Variants in LIPA observed in about 807,000 individuals in gnomAD.
LIPA encodes the protein lipase A, lysosomal acid type, also known as lysosomal acid lipase/cholesteryl ester hydrolase.
Under a neutral mutation model 40.6 loss-of-function variants are expected in LIPA, and 26 were observed. The observed-to-expected ratio is 0.64, with a 90% CI of 0.47 to 0.89. LIPA has a LOEUF of 0.89. LIPA is among the 40% of genes least tolerant of loss of function. The pLI, the probability that LIPA is intolerant of heterozygous loss-of-function variation, is 0.00. For synonymous variants in LIPA, 188 were observed against 168.4 expected, an observed-to-expected ratio of 1.12 and a Z score of -0.90; for missense variants, 455 against 479.6, an observed-to-expected ratio of 0.95 and a Z score of 0.48.
intron 1 of LIPA, among the ~76,000 whole-genome samples, chr10:89,304,078 G>T (rs1019502724): frequency 6.6e-6 from 1 of 152,138 alleles, no homozygotes; most frequent in Non-Finnish European, 1.5e-5. Flanking sequence ...ATCAGTTCCT[G>T]CTCACCTCTG....
intron 8 of LIPA, among the ~76,000 whole-genome samples, chr10:89,219,302 C>A (rs1842667157): frequency 6.6e-6 from 1 of 152,198 alleles, no homozygotes; most frequent in East Asian, 1.9e-4. Flanking sequence ...TTTAATAGCA[C>A]CTTAGGTAGG....
chr10:89,285,763 T>C (rs1843338296), intron 1 of LIPA, among the ~76,000 whole-genome samples: 1 of 151,748 alleles, frequency 6.6e-6, no homozygotes, highest in Non-Finnish European at 1.5e-5. Flanking sequence ...TCCTTCTCTC[T>C]GTGTCTCTAC....
chr10:89,315,544 T>C lies in LIPA; in HGVS notation c.-2+27067A>G, dbSNP rs1217054285. 2.6e-5 allele frequency among the ~76,000 whole-genome samples: 4 copies of C among 151,500 alleles called. No homozygotes were observed. In the East Asian group the frequency reaches 7.7e-4, roughly 29 times the overall value. The stretch of plus-strand genomic sequence containing the variant: ...GACAACTATACTCCCTAGGTTTTTA[T>C]GAATATTTACATCATGGTTGGGAAG... On this transcript the variant is annotated intron_variant, in intron 1 of 5. Transcript: ENST00000282673.
intron 1 of LIPA, among the ~76,000 whole-genome samples, chr10:89,301,646 C>T (rs1260272689): frequency 6.6e-6 from 1 of 152,216 alleles, no homozygotes; most frequent in African/African-American, 2.4e-5. Flanking sequence ...TAAAATTCAC[C>T]TTAGCAGGAA....
intron 2 of LIPA, among the ~76,000 whole-genome samples, chr10:89,370,711 T>A (rs762598955): frequency 1.3e-5 from 2 of 152,126 alleles, no homozygotes; most frequent in Admixed American, 1.3e-4. Flanking sequence ...CATCTCCAGA[T>A]GTGATCATCC....
rs1234553217 is a variant in LIPA, at chr10:89,274,012, T to C, written c.-1-26363A>G. On this transcript the variant is annotated intron_variant, in intron 1 of 5. Transcript: ENST00000282673. ...AAAGCCGAAGAAAATATTTACTATT[T>C]AGCTCTTAACAGAAAAAGTTTGCCA... Among the ~76,000 whole-genome samples, 4 of 152,246 alleles carry C rather than the reference T, an allele frequency of 2.6e-5. No individual in the cohort carries two copies. In the East Asian group the frequency reaches 7.7e-4, roughly 29 times the overall value.
chr10:89,226,804 A>G (rs993668836), intron 5 of LIPA, 91 bp downstream of exon 5: 2 of 774,988 alleles, frequency 2.6e-6, no homozygotes, highest in African/African-American at 3.5e-5. Context: ...TGGAATTTGA[A>G]CTAACATCTT....
At chr10:89,290,704 C>T (rs1843369033) in intron 1 of LIPA, among the ~76,000 whole-genome samples, 1 of 152,232 alleles carries the variant, frequency 6.6e-6, no homozygotes, top group Non-Finnish European at 1.5e-5. Flanking sequence ...GTGACCCCCA[C>T]CTCTGCCAGC....
chr10:89,282,079 C>T (rs2133498557), intron 1 of LIPA, among the ~76,000 whole-genome samples: 1 of 152,276 alleles, frequency 6.6e-6, no homozygotes, highest in Admixed American at 6.5e-5. Flanking sequence ...GAAACCAAGG[C>T]ACAGAACTAC....
At chr10:89,378,839 A>G (rs949256457) in intron 2 of LIPA, among the ~76,000 whole-genome samples, 2 of 152,206 alleles carry the variant, frequency 1.3e-5, no homozygotes, top group African/African-American at 2.4e-5. Context: ...TCTTAAGGAA[A>G]TAAACGAGAA....
chr10:89,355,257 G>T (rs889067373), intron 2 of LIPA, among the ~76,000 whole-genome samples: 7 of 152,184 alleles, frequency 4.6e-5, no homozygotes, highest in African/African-American at 1.7e-4. Context: ...GGTTGAGTTT[G>T]GGGGACAGCC....
rs138008463 is a variant in LIPA, at chr10:89,217,059, G to C, written c.895-1050C>G. On this transcript the variant is annotated intron_variant, in intron 8 of 9. Transcript: ENST00000336233. ...TCACTTATTTTTAAAATTCAAAATA[G>C]TGCAAATCCATATTTCCTCTACACT... Among the ~76,000 whole-genome samples, 419 of 152,204 alleles carry C rather than the reference G, an allele frequency of 2.8e-3. 1 individual carries two copies. Among genetic ancestry groups the C allele is most frequent in the African/African-American group, 9.2e-3 (382 of 41,526 alleles).
At position 89,221,214 on chromosome 10, in the gene LIPA, T is replaced by TA. The variant is rs113377328; in HGVS notation, c.894+1296dup. 3.9e-3 allele frequency among the ~76,000 whole-genome samples: 590 copies of TA among 149,656 alleles called. 1 individual carries two copies. Among genetic ancestry groups the TA allele is most frequent in the African/African-American group, 9.3e-3 (381 of 40,902 alleles). On this transcript the variant is annotated intron_variant, in intron 8 of 9. Transcript: ENST00000336233. ...ATATTCTATGTCACTTATACCTCAA[T>TA]AAAAAATTTTTTTTTAAAATAATAA... is the stretch of plus-strand genomic sequence containing the variant.
At chr10:89,327,679 T>C (rs1485326396) in intron 1 of LIPA, among the ~76,000 whole-genome samples, 4 of 152,216 alleles carry the variant, frequency 2.6e-5, no homozygotes, top group Non-Finnish European at 5.9e-5. Context: ...GGAATGCCCT[T>C]GGCCAAAAGC....
chr10:89,323,639 C>T (rs1843582918), intron 1 of LIPA, among the ~76,000 whole-genome samples: 1 of 152,066 alleles, frequency 6.6e-6, no homozygotes, highest in Non-Finnish European at 1.5e-5. Context: ...TATACACTAA[C>T]AAAATCCAAG....
At chr10:89,337,512 G>A (rs893017304) in intron 1 of LIPA, among the ~76,000 whole-genome samples, 1 of 152,170 alleles carries the variant, frequency 6.6e-6, no homozygotes, top group African/African-American at 2.4e-5. Flanking sequence ...TGATCCTCCT[G>A]TCTCAGCCTC....
At chr10:89,354,952 G>A (rs566986079) in intron 2 of LIPA, among the ~76,000 whole-genome samples, 2 of 152,332 alleles carry the variant, frequency 1.3e-5, no homozygotes, top group South Asian at 4.1e-4. Context: ...AGTTGAAGCT[G>A]TCCTCCTGCA....
rs1326596129 is a variant in LIPA at position 89,225,134 on chromosome 10, G to A, written c.633C>T (p.Ser211=). The A allele has an allele frequency of 4.3e-6, 7 of 1,614,062 alleles. No individual in the cohort carries two copies. The highest frequency in any genetic ancestry group is 4.2e-6 in the Non-Finnish European group (5 of 1,180,024). Reference sequence around the variant, plus strand: ...GTAATCGTCCTAATTTGGCCATAGGGCTAGTACAGAAGGCGACGGAAGCCA... The same window carrying A: ...GTAATCGTCCTAATTTGGCCATAGGACTAGTACAGAAGGCGACGGAAGCCA... ...GPVASVAFCT[S]PMAKLGRLPD... Residue 211 remains serine, a synonymous_variant, in exon 6 of 10, where the codon AGC becomes AGT. Transcript: ENST00000336233.
At chr10:89,222,119 C>T (rs12780342) in intron 8 of LIPA, among the ~76,000 whole-genome samples, 23,102 of 151,960 alleles carry the variant, frequency 0.15, 2,064 homozygotes, top group African/African-American at 0.23. Context: ...CCAAAACGGA[C>T]TTAAAATCAC....
Sources: gnomAD v4.1 joint callset for allele counts (sites outside exome capture counted in the v4.1 genomes callset) on GRCh38, gnomAD v4.1.1 for gene constraint, MANE v1.5 for transcripts, NCBI Gene and HGNC (gene_info 2026-07-23, HGNC 2026-07-21) for gene names.